FAAH: variants seen among roughly 807,000 people sequenced by gnomAD.
FAAH encodes the protein fatty acid amide hydrolase, also known as fatty-acid amide hydrolase 1.
FAAH carries 63 observed loss-of-function variants against 69.7 expected under a neutral mutation model. The observed-to-expected ratio is 0.90, with a 90% confidence interval of 0.74 to 1.12. The LOEUF (loss-of-function observed/expected upper bound fraction) is 1.12, where lower values mean the gene tolerates loss of function less well. Ranked by LOEUF, FAAH falls within the 50% of genes most tolerant of loss-of-function variation. The probability of loss-of-function intolerance (pLI) is 0.00; values close to 1 mark genes in which losing one functional copy is unlikely to be tolerated. For missense variants in FAAH, 680 were observed against 755.0 expected, an observed-to-expected ratio of 0.90 and a Z score of 1.16; for synonymous variants, 305 against 324.2, an observed-to-expected ratio of 0.94 and a Z score of 0.64.
At chr1:46,396,792 T>A (rs1664604831) in intron 1 of FAAH, among the ~76,000 whole-genome samples, 1 of 152,226 alleles carries the variant, frequency 6.6e-6, no homozygotes, top group East Asian at 1.9e-4. Flanking sequence ...TTCTTATGTC[T>A]ACTTCTTTTT....
chr1:46,406,513 GC>G, intron 7 of FAAH, 145 bp downstream of exon 7: 1 of 979,534 alleles, frequency 1.0e-6, no homozygotes, highest in Non-Finnish European at 1.6e-6. Flanking sequence ...TCCACAGACG[GC>G]CACCAGATGG....
intron 1 of FAAH, among the ~76,000 whole-genome samples, 181 bp from the exon 2 acceptor site, chr1:46,401,910 C>T (rs983985735): frequency 2.6e-5 from 4 of 152,138 alleles, no homozygotes; most frequent in African/African-American, 9.7e-5. Context: ...TTGGGCAGGT[C>T]GGCTCGCTGG....
chr1:46,398,026 C>T (rs1023475679), intron 1 of FAAH, among the ~76,000 whole-genome samples: 11 of 151,094 alleles, frequency 7.3e-5, no homozygotes, highest in African/African-American at 2.0e-4. Flanking sequence ...CTCCACCTCC[C>T]GGGTTCAAGC....
Position 46,410,708 on chromosome 1 carries a change from T to TG in FAAH, c.1276-100dup. ...CTGAAAGGGGTGCCGACCTGGGCCC[T>TG]GGGGGGAGGCATGGAGGGAGGGGTC... On this transcript the variant is annotated intron_variant, in intron 10 of 14. Coordinates refer to ENST00000243167, the MANE Select transcript of FAAH (RefSeq NM_001441.3). This position sits in a 1 kb window ranked among gnomAD's most constrained non-coding sequence, Gnocchi z 4.9. The TG allele has an allele frequency of 7.0e-7, 1 of 1,429,638 alleles. No homozygotes were observed. Among genetic ancestry groups the TG allele is most frequent in the Non-Finnish European group, 9.9e-7 (1 of 1,012,204 alleles). The allele number at this position is 1,429,638 out of a possible 1,614,324, so 88.6% of individuals were successfully genotyped here.
chr1:46,411,280 C>G lies in FAAH; in HGVS notation c.1317-332C>G, dbSNP rs369321576. Among the ~76,000 whole-genome samples the G allele has an allele frequency of 6.6e-6, 1 of 152,206 alleles. No individual in the cohort carries two copies. Among genetic ancestry groups the G allele is most frequent in the East Asian group, 1.9e-4 (1 of 5,196 alleles). On this transcript the variant is annotated intron_variant, in intron 11 of 14. Transcript: ENST00000243167. This position sits in a 1 kb window ranked among gnomAD's most constrained non-coding sequence, Gnocchi z 4.8. ...AGGGCGTAAACCTCCCTGTTTCATG[C>G]CCTGACGTCCCATGGACTCACTCCT...
chr1:46,410,569 C>A lies in FAAH; in HGVS notation c.1275+72C>A. ...TAGGGCCTCCTATCGCATGATCCCC[C>A]ATGGCCTCCCTCAGCCTCTCTTGGT... On this transcript the variant is annotated intron_variant, in intron 10 of 14. Transcript: ENST00000243167. This position sits in a 1 kb window ranked among gnomAD's most constrained non-coding sequence, Gnocchi z 4.9. The A allele has an allele frequency of 1.4e-6, 2 of 1,398,522 alleles. No homozygotes were observed. Among genetic ancestry groups the A allele is most frequent in the Non-Finnish European group, 2.0e-6 (2 of 988,656 alleles). The allele number at this position is 1,398,522 out of a possible 1,614,324, so 86.6% of individuals were successfully genotyped here.
At chr1:46,402,249 A>T in intron 2 of FAAH, 45 bp downstream of exon 2, 2 of 1,445,788 alleles carry the variant, frequency 1.4e-6, no homozygotes, top group East Asian at 2.5e-5. Flanking sequence ...AGGTAAGGCC[A>T]GCCAAGGCCA....
At position 46,405,025 on chromosome 1, in the gene FAAH, G is replaced by A. The variant is rs749419658; in HGVS notation, c.321G>A (p.Val107=). 1.5e-5 allele frequency: 24 copies of A among 1,613,942 alleles called. No individual in the cohort carries two copies. Among genetic ancestry groups the A allele is most frequent in the Middle Eastern group, 1.6e-4 (1 of 6,084 alleles). Residue 107 remains valine (V), a synonymous_variant, in exon 3 of 15, where the codon GTG becomes GTA. Transcript: ENST00000243167. This position sits in a 1 kb window ranked among gnomAD's most constrained non-coding sequence, Gnocchi z 4.1. ...TTCCCCTTCCTCAGGCCTGGGAAGTGAACAAAGGGACCAACTGTGTGACCT... is the reference window on the plus strand; with the variant it reads ...TTCCCCTTCCTCAGGCCTGGGAAGTAAACAAAGGGACCAACTGTGTGACCT... ...LFTYVGKAWE[V]NKGTNCVTSY...
Position 46,405,951 on chromosome 1 carries a change from C to G in FAAH, c.786-87C>G. 6.2e-7 allele frequency: 1 copy of G among 1,612,914 alleles called. No individual in the cohort carries two copies. Among genetic ancestry groups the G allele is most frequent in the Non-Finnish European group, 8.5e-7 (1 of 1,179,850 alleles). The stretch of plus-strand genomic sequence containing the variant: ...CGGGCGTGGGTCCTAGTTTCCAAAG[C>G]GGTGAGTGTTCAGAGCTGCTCTGTG... On this transcript the variant is annotated intron_variant, in intron 5 of 14. Coordinates refer to ENST00000243167, the MANE Select transcript of FAAH (RefSeq NM_001441.3). The surrounding 1 kb of genome is among the most constrained non-coding windows in gnomAD (Gnocchi z 4.1).
At chr1:46,409,250 C>G (rs1664857110) in intron 9 of FAAH, 52 bp downstream of exon 9, 1 of 1,402,968 alleles carries the variant, frequency 7.1e-7, no homozygotes, top group Non-Finnish European at 1.0e-6. Context: ...AGTAGGCAGA[C>G]CTGGGGGAGC....
chr1:46,406,961 G>C (rs1454721293), intron 7 of FAAH, among the ~76,000 whole-genome samples: 2 of 152,044 alleles, frequency 1.3e-5, no homozygotes, highest in Admixed American at 6.5e-5. Flanking sequence ...CAGGGATGCA[G>C]GAATCATTTC....
At chr1:46,409,340 C>T (rs1265373206) in intron 9 of FAAH, 142 bp downstream of exon 9, 2 of 714,634 alleles carry the variant, frequency 2.8e-6, no homozygotes, top group Non-Finnish European at 5.1e-6. Context: ...ACCTCGCTGT[C>T]CCTCCAGCTG....
Position 46,394,501 on chromosome 1 carries a change from C to T in FAAH, c.153C>T (p.Gly51=), listed in dbSNP as rs752073440. 9.3e-6 allele frequency: 13 copies of T among 1,395,534 alleles called. No homozygotes were observed. The South Asian group carries it at 1.6e-4, about 17-fold the overall frequency. 86.4% of individuals were successfully genotyped at this position (1,395,534 alleles called of 1,614,324 possible). A position where few individuals can be genotyped will look rare whatever the true frequency, so the allele number is the denominator to read the frequency against. Residue 51 remains glycine, a synonymous_variant, in exon 1 of 15, where the codon GGC becomes GGT. Transcript: ENST00000243167. Reference sequence around the variant, plus strand: ...GGGCGCGACAGAGGCAGCGAGCGGGCCTGGAGAACATGGACAGGGCGGCGC... The same window carrying T: ...GGGCGCGACAGAGGCAGCGAGCGGGTCTGGAGAACATGGACAGGGCGGCGC... ...VVRARQRQRA[G]LENMDRAAQR...
chr1:46,413,092 A>G lies in FAAH; in HGVS notation c.1483A>G (p.Met495Val), dbSNP rs367637501. 31 of 1,614,006 alleles carry G rather than the reference A, an allele frequency of 1.9e-5. No individual in the cohort carries two copies. Among genetic ancestry groups the G allele is most frequent in the Non-Finnish European group, 2.5e-5 (29 of 1,180,014 alleles). ...GRATGAVSYT[M>V]LYNCLDFPAG... ...TGTTCCAGGGGCCGTCAGCTACACT[A>G]TGCTGTACAACTGCCTGGACTTCCC... The change falls in exon 14 of 15, where the codon ATG (methionine) becomes GTG (valine). Residue 495 changes from methionine to valine, a missense_variant. By Grantham distance (21) the Met-to-Val change is conservative. Coordinates refer to ENST00000243167, the MANE Select transcript of FAAH (RefSeq NM_001441.3).
intron 1 of FAAH, among the ~76,000 whole-genome samples, chr1:46,394,877 A>G (rs925499258): frequency 3.9e-5 from 6 of 152,186 alleles, no homozygotes; most frequent in Non-Finnish European, 8.8e-5. Flanking sequence ...GGGGTTGAGG[A>G]CTTTGGAATC....
chr1:46,408,696 T>G, intron 8 of FAAH, 112 bp downstream of exon 8: 1 of 1,550,654 alleles, frequency 6.4e-7, no homozygotes. Flanking sequence ...GATGTTGTCG[T>G]CGGGGTGAAC....
chr1:46,405,855 C>T lies in FAAH; in HGVS notation c.785+61C>T. 1 of 1,607,784 alleles carries T rather than the reference C, an allele frequency of 6.2e-7. No individual in the cohort carries two copies. Among genetic ancestry groups the T allele is most frequent in the African/African-American group, 1.3e-5 (1 of 74,894 alleles). On this transcript the variant is annotated intron_variant, in intron 5 of 14. Transcript: ENST00000243167. The surrounding 1 kb of genome is among the most constrained non-coding windows in gnomAD (Gnocchi z 4.1). ...TGTGTGACCTTGGCCTAGCTTCCAA[C>T]CTCTCTGGGCTCCAGGCGGGGATTC...
intron 1 of FAAH, among the ~76,000 whole-genome samples, chr1:46,401,803 C>T (rs913059628): frequency 6.6e-6 from 1 of 152,116 alleles, no homozygotes; most frequent in African/African-American, 2.4e-5. Context: ...TCCAGCTACT[C>T]GGGAGGCTGA....
chr1:46,413,019 G>T (rs199954260), intron 13 of FAAH, 56 bp from the exon 14 acceptor site: 15 of 1,606,654 alleles, frequency 9.3e-6, no homozygotes, highest in Non-Finnish European at 1.3e-5. Context: ...ACTCAGGCCC[G>T]GAGTTGGCAC....
Sources: allele counts gnomAD v4.1 joint callset (sites outside exome capture counted in the v4.1 genomes callset), GRCh38; gene constraint gnomAD v4.1.1; non-coding constraint Gnocchi (gnomAD v3.1); transcripts MANE v1.5; gene names NCBI Gene and HGNC (gene_info 2026-07-23, HGNC 2026-07-21).